ZNF280B: variants seen among roughly 807,000 people sequenced by gnomAD.
ZNF280B encodes suppressor of hairy wing homolog 2.
ZNF280B carries 16 observed loss-of-function variants against 38.0 expected under a neutral mutation model. That is an observed-to-expected ratio of 0.42 (90% CI 0.28 to 0.64). ZNF280B has a LOEUF of 0.64. Among genes scored for constraint, ZNF280B ranks in the 30% least tolerant of loss-of-function variants. The probability of loss-of-function intolerance (pLI) is 0.21; values close to 1 mark genes in which losing one functional copy is unlikely to be tolerated. For synonymous variants in ZNF280B, 253 were observed against 230.6 expected, an observed-to-expected ratio of 1.10 and a Z score of -0.88; for missense variants, 581 against 639.6, an observed-to-expected ratio of 0.91 and a Z score of 0.99.
chr22:22,506,330 A>T (rs1007329306), intron 2 of ZNF280B, among the ~76,000 whole-genome samples: 1 of 151,812 alleles, frequency 6.6e-6, no homozygotes, highest in African/African-American at 2.4e-5. Context: ...AAAAACAATT[A>T]TTCACAGCCA....
Position 22,487,796 on chromosome 22 carries a change from T to C in ZNF280B, c.1603A>G (p.Lys535Glu). The stretch of plus-strand genomic sequence containing the variant: ...TGGGACTTTTTTGAAATTTTGCTTT[T>C]AGACCTGGGGAGTGATGGTTCAGAG... The part of the protein sequence containing the change: ...SDSEPSLPRS[K>E]SKISKKSH Residue 535 changes from lysine (K) to glutamate (E), a missense_variant, in exon 4 of 4, where the codon AAA becomes GAA. Transcript: ENST00000626650. 1 of 1,581,930 alleles carries C rather than the reference T, an allele frequency of 6.3e-7. No homozygotes were observed. Among genetic ancestry groups the C allele is most frequent in the Middle Eastern group, 1.7e-4 (1 of 5,888 alleles).
intron 2 of ZNF280B, among the ~76,000 whole-genome samples, chr22:22,501,456 CGA>C (rs1449243594): frequency 2.0e-5 from 3 of 151,426 alleles, no homozygotes; most frequent in Non-Finnish European, 4.4e-5. Flanking sequence ...CGCAGCTACT[CGA>C]GAGGCTGAGG....
intron 2 of ZNF280B, among the ~76,000 whole-genome samples, chr22:22,500,702 T>TA (rs1415448573): frequency 6.7e-6 from 1 of 149,942 alleles, no homozygotes. Flanking sequence ...CTAAAAAAAA[T>TA]ACAAAAATTA....
chr22:22,489,185 TCCTTGA>T lies in ZNF280B; in HGVS notation c.208_213del (p.Ser70_Arg71del), dbSNP rs774753831. The T allele has an allele frequency of 2.5e-6, 4 of 1,613,782 alleles. No homozygotes were observed. In the East Asian group the frequency reaches 8.9e-5, roughly 36 times the overall value. On this transcript the variant is annotated inframe_deletion, in exon 4 of 4. Transcript: ENST00000626650. ...TTTCTAAGGTGATCATACTTTTTTC[TCCTTGA>T]CCATGAACCCGGGGTGACTCTGTTC...
intron 3 of ZNF280B, among the ~76,000 whole-genome samples, chr22:22,492,199 T>C (rs1021884741): frequency 2.6e-5 from 4 of 151,956 alleles, no homozygotes; most frequent in Admixed American, 6.6e-5. Context: ...TCAGTAGATA[T>C]ATAATGCCAG....
intron 2 of ZNF280B, among the ~76,000 whole-genome samples, chr22:22,505,927 G>C (rs1322624154): frequency 6.6e-6 from 1 of 151,930 alleles, no homozygotes; most frequent in Non-Finnish European, 1.5e-5. Flanking sequence ...GAGAGTAATA[G>C]TGGAAGCAGA....
chr22:22,499,172 C>T (rs1049805197), intron 2 of ZNF280B, among the ~76,000 whole-genome samples: 16 of 151,912 alleles, frequency 1.1e-4, no homozygotes, highest in Admixed American at 3.9e-4. Flanking sequence ...ATAACGATTA[C>T]ATACCATGAC....
intron 2 of ZNF280B, among the ~76,000 whole-genome samples, chr22:22,500,117 T>A (rs926248379): frequency 2.6e-5 from 4 of 151,926 alleles, no homozygotes; most frequent in Non-Finnish European, 4.4e-5. Flanking sequence ...GAAATTAGAA[T>A]CCTCATGCAC....
At chr22:22,504,094 C>T (rs1168958353) in intron 2 of ZNF280B, among the ~76,000 whole-genome samples, 2 of 151,980 alleles carry the variant, frequency 1.3e-5, no homozygotes, top group African/African-American at 2.4e-5. Context: ...CCTAAACACA[C>T]TTGTAGTTTA....
Position 22,489,331 on chromosome 22 carries a change from A to G in ZNF280B, c.68T>C (p.Val23Ala), listed in dbSNP as rs1446539569. 5.6e-6 allele frequency: 9 copies of G among 1,613,582 alleles called. No homozygotes were observed. Among genetic ancestry groups the G allele is most frequent in the Non-Finnish European group, 7.6e-6 (9 of 1,179,906 alleles). Reference sequence around the variant, plus strand: ...GATGAGCTCAGCATCTTCGTCATCTACTTGTTTGGTTTCTTGTATGTTCTT... The same window carrying G: ...GATGAGCTCAGCATCTTCGTCATCTGCTTGTTTGGTTTCTTGTATGTTCTT... ...PQKNIQETKQ[V>A]DDEDAELIFV... The change falls in exon 4 of 4, where the codon GTA becomes GCA. Residue 23 changes from valine (V) to alanine (A), a missense_variant. Transcript: ENST00000626650.
At chr22:22,494,249 C>T (rs1016086567) in intron 2 of ZNF280B, 69 bp from the exon 3 acceptor site, 1 of 151,894 alleles carries the variant, frequency 6.6e-6, no homozygotes, top group Non-Finnish European at 1.5e-5. Flanking sequence ...AAAACTTAAA[C>T]TGGGTTCTAA....
intron 2 of ZNF280B, among the ~76,000 whole-genome samples, 183 bp downstream of exon 2, chr22:22,507,627 G>C (rs2061966616): frequency 6.6e-6 from 1 of 151,154 alleles, no homozygotes; most frequent in African/African-American, 2.4e-5. Context: ...AAGCAATTTA[G>C]AGGGTTCCCG....
Position 22,487,713 on chromosome 22 carries a change from TGAGG to T in ZNF280B, c.*50_*53del. 1 of 1,466,710 alleles carries T rather than the reference TGAGG, an allele frequency of 6.8e-7. No homozygotes were observed. The highest frequency in any genetic ancestry group is 9.1e-7 in the Non-Finnish European group (1 of 1,093,542). The allele number at this position is 1,466,710 out of a possible 1,614,324, so 90.9% of individuals were successfully genotyped here. ...TGTATGGTTTGTATTTTTTGTTTTA[TGAGG>T]TTTTTTAATTTGGTTTGAAATACTT... On this transcript the variant is annotated 3_prime_UTR_variant, in exon 4 of 4. Coordinates refer to ENST00000626650, the MANE Select transcript of ZNF280B (RefSeq NM_080764.4).
intron 3 of ZNF280B, among the ~76,000 whole-genome samples, chr22:22,492,310 G>A (rs1350372258): frequency 1.3e-5 from 2 of 151,892 alleles, no homozygotes; most frequent in African/African-American, 4.8e-5. Flanking sequence ...CCAGGATGAT[G>A]TCACCTAGCC....
rs1349427600 is a variant in ZNF280B, at chr22:22,487,256, TA to T, written c.*510del. ...GAGTTCGAGACCACCCTGGGCGACA[TA>T]ACAAGATTCCATCGCTACAAAAAAT... is the stretch of plus-strand genomic sequence containing the variant. On this transcript the variant is annotated 3_prime_UTR_variant, in exon 4 of 4. Transcript: ENST00000626650. The T allele has an allele frequency of 6.6e-6, 1 of 151,434 alleles. No homozygotes were observed. The highest frequency in any genetic ancestry group is 2.4e-5 in the African/African-American group (1 of 41,188). 9.4% of individuals were successfully genotyped at this position (151,434 alleles called of 1,614,324 possible).
At chr22:22,492,193 TAG>T (rs922084295) in intron 3 of ZNF280B, among the ~76,000 whole-genome samples, 1 of 151,924 alleles carries the variant, frequency 6.6e-6, no homozygotes, top group Non-Finnish European at 1.5e-5. Context: ...ACTTAATCAG[TAG>T]ATATATAATG....
chr22:22,495,539 G>C (rs2061676455), intron 2 of ZNF280B, among the ~76,000 whole-genome samples: 1 of 151,912 alleles, frequency 6.6e-6, no homozygotes, highest in African/African-American at 2.4e-5. Flanking sequence ...AATAGAGCAG[G>C]CTTAGAAGTT....
Position 22,487,418 on chromosome 22 carries a change from T to C in ZNF280B, c.*349A>G, listed in dbSNP as rs1421567965. Reference sequence around the variant, plus strand: ...AGGATCACGCCACTGCACTCCAGCCTGGGTAACAGTGAGACCCTGTCTCTA... The same window carrying C: ...AGGATCACGCCACTGCACTCCAGCCCGGGTAACAGTGAGACCCTGTCTCTA... On this transcript the variant is annotated 3_prime_UTR_variant, in exon 4 of 4. Transcript: ENST00000626650. 1 of 132,458 alleles carries C rather than the reference T, an allele frequency of 7.5e-6. No homozygotes were observed. The highest frequency in any genetic ancestry group is 3.0e-5 in the African/African-American group (1 of 33,452). 8.2% of individuals were successfully genotyped at this position (132,458 alleles called of 1,614,324 possible).
chr22:22,503,892 A>G (rs888474339), intron 2 of ZNF280B, among the ~76,000 whole-genome samples: 3 of 151,944 alleles, frequency 2.0e-5, no homozygotes, highest in African/African-American at 7.3e-5. Context: ...ATGACTCCCT[A>G]TGTAACTTGG....
Sources: gnomAD v4.1 joint callset for allele counts (sites outside exome capture counted in the v4.1 genomes callset) on GRCh38, gnomAD v4.1.1 for gene constraint, MANE v1.5 for transcripts, NCBI Gene and HGNC (gene_info 2026-07-23, HGNC 2026-07-21) for gene names.